FNTB: variants seen among roughly 807,000 people sequenced by gnomAD.
FNTB encodes protein farnesyltransferase subunit beta.
In FNTB, 27 loss-of-function variants were observed where a neutral mutation model predicts 59.4. That is an observed-to-expected ratio of 0.45 (90% CI 0.34 to 0.63). The LOEUF is 0.63. Ranked by LOEUF, FNTB falls within the 20% of genes least tolerant of loss-of-function variation. The pLI, the probability that FNTB is intolerant of heterozygous loss-of-function variation, is 0.02. For synonymous variants in FNTB, 230 were observed against 220.7 expected (o/e 1.04, Z -0.37); for missense variants, 449 against 559.6 (o/e 0.80, Z 1.99).
intron 11 of FNTB, among the ~76,000 whole-genome samples, chr14:65,056,523 A>G (rs75491549): frequency 0.049 from 7,435 of 152,206 alleles, 604 homozygotes; most frequent in African/African-American, 0.17. Context: ...CTTTTTGCCA[A>G]TTTGATGGGT....
intron 7 of FNTB, among the ~76,000 whole-genome samples, chr14:65,037,405 T>C (rs1354074604): frequency 0.015 from 161 of 10,660 alleles, 58 homozygotes; most frequent in Admixed American, 0.053. Flanking sequence ...GCCGGGCCCT[T>C]TTTTTTTTTT....
intron 9 of FNTB, among the ~76,000 whole-genome samples, chr14:65,052,376 CT>C (rs1185835167): frequency 1.3e-5 from 2 of 151,946 alleles, no homozygotes; most frequent in Non-Finnish European, 2.9e-5. Flanking sequence ...TGTTGGGCAT[CT>C]TTTTTTTAAA....
intron 7 of FNTB, among the ~76,000 whole-genome samples, chr14:65,034,715 A>T (rs997064717): frequency 6.6e-6 from 1 of 151,792 alleles, no homozygotes; most frequent in Admixed American, 6.6e-5. Flanking sequence ...ATTTTTCTTC[A>T]TTTTGCTGTG....
chr14:65,037,933 C>T (rs948891639), intron 7 of FNTB, among the ~76,000 whole-genome samples: 17 of 151,628 alleles, frequency 1.1e-4, no homozygotes, highest in African/African-American at 3.9e-4. Context: ...GCGTGCGCCA[C>T]GACACCCAGC....
intron 4 of FNTB, among the ~76,000 whole-genome samples, chr14:65,017,750 G>GT (rs2061805818): frequency 6.6e-6 from 1 of 152,084 alleles, no homozygotes; most frequent in Non-Finnish European, 1.5e-5. Context: ...GAGGTCAGGA[G>GT]TTTGAGACCA....
At chr14:65,041,215 C>T (rs2062344954) in intron 8 of FNTB, among the ~76,000 whole-genome samples, 1 of 152,152 alleles carries the variant, frequency 6.6e-6, no homozygotes, top group Non-Finnish European at 1.5e-5. Context: ...TAGAGGTTAT[C>T]GTGTGTTATA....
At chr14:65,037,402 C>CTTTTTTTTTTTTTTT (rs765037575) in intron 7 of FNTB, among the ~76,000 whole-genome samples, 15 of 14,530 alleles carry the variant, frequency 1.0e-3, no homozygotes, top group Non-Finnish European at 1.5e-3. Flanking sequence ...CACGCCGGGC[C>CTTTTTTTTTTTTTTT]CTTTTTTTTT....
At chr14:65,049,553 G>C (rs1395599316) in intron 9 of FNTB, among the ~76,000 whole-genome samples, 1 of 152,188 alleles carries the variant, frequency 6.6e-6, no homozygotes, top group Non-Finnish European at 1.5e-5. Flanking sequence ...GAAGCTCCTT[G>C]TAGAGCTTTT....
rs993117736 is a variant in FNTB at position 65,031,551 on chromosome 14, C to T, written c.606-1059C>T. Among the ~76,000 whole-genome samples the T allele has an allele frequency of 4.0e-5, 6 of 150,764 alleles. No individual in the cohort carries two copies. Among genetic ancestry groups the T allele is most frequent in the Non-Finnish European group, 5.9e-5 (4 of 67,510 alleles). ...CAGGTTGGTCTTGAACTCCTGGCCT[C>T]GTGATCCACCTGCCTCAGCCTCCCA... On this transcript the variant is annotated intron_variant, in intron 6 of 11. Transcript: ENST00000246166. The surrounding 1 kb of genome is among the most constrained non-coding windows in gnomAD (Gnocchi z 4.6).
chr14:65,014,645 C>G lies in FNTB; in HGVS notation c.283-980C>G, dbSNP rs1290656919. On this transcript the variant is annotated intron_variant, in intron 3 of 11. Coordinates refer to ENST00000246166, the MANE Select transcript of FNTB (RefSeq NM_002028.4). This position sits in a 1 kb window ranked among gnomAD's most constrained non-coding sequence, Gnocchi z 5.1. ...CCTGGGCAACATAGTGGGATGCTGT[C>G]TCTATAAAAACTTAAAAAATTAGCC... is the stretch of plus-strand genomic sequence containing the variant. Among the ~76,000 whole-genome samples the G allele has an allele frequency of 6.6e-6, 1 of 152,102 alleles. No individual in the cohort carries two copies. Among genetic ancestry groups the G allele is most frequent in the Non-Finnish European group, 1.5e-5 (1 of 68,032 alleles).
In FNTB at chr14:64,997,458, T is replaced by A. The variant is rs74646014; in HGVS notation, c.145-6791T>A. ...ACTATCCTTGAAAAACCTCCAAACCTTTGGGAAAATTGATTTGAGTAATAA... is the reference window on the plus strand; with the variant it reads ...ACTATCCTTGAAAAACCTCCAAACCATTGGGAAAATTGATTTGAGTAATAA... On this transcript the variant is annotated intron_variant, in intron 1 of 11. Coordinates refer to ENST00000246166, the MANE Select transcript of FNTB (RefSeq NM_002028.4). The surrounding 1 kb of genome is among the most constrained non-coding windows in gnomAD (Gnocchi z 4.5). Among the ~76,000 whole-genome samples the A allele has an allele frequency of 0.039, 5,887 of 152,226 alleles. 121 individuals carry two copies. The highest frequency in any genetic ancestry group is 0.078 in the Middle Eastern group (23 of 294).
intron 2 of FNTB, among the ~76,000 whole-genome samples, chr14:65,008,822 C>A (rs4466998): frequency 0.55 from 84,042 of 152,046 alleles, 23,736 homozygotes; most frequent in African/African-American, 0.66. Flanking sequence ...ATAAGAAATT[C>A]TATTTAAATC....
At chr14:65,050,104 G>A (rs1187479398) in intron 9 of FNTB, among the ~76,000 whole-genome samples, 1 of 152,136 alleles carries the variant, frequency 6.6e-6, no homozygotes, top group African/African-American at 2.4e-5. Flanking sequence ...GCAAGTATAA[G>A]AAAAAGCTAG....
At chr14:65,055,389 C>T (rs1035421138) in intron 11 of FNTB, among the ~76,000 whole-genome samples, 1 of 152,186 alleles carries the variant, frequency 6.6e-6, no homozygotes, top group African/African-American at 2.4e-5. Flanking sequence ...GTGCAGTTCC[C>T]TACTCTTACT....
At chr14:65,037,750 T>C (rs1372064717) in intron 7 of FNTB, among the ~76,000 whole-genome samples, 1 of 52,340 alleles carries the variant, frequency 1.9e-5, no homozygotes, top group African/African-American at 1.1e-4. Flanking sequence ...TATTATTTAT[T>C]TATTTATTTA....
Position 65,011,207 on chromosome 14 carries a change from T to C in FNTB, c.210-1110T>C, listed in dbSNP as rs1174820785. Among the ~76,000 whole-genome samples, 2 of 152,182 alleles carry C rather than the reference T, an allele frequency of 1.3e-5. No homozygotes were observed. Among genetic ancestry groups the C allele is most frequent in the Admixed American group, 6.5e-5 (1 of 15,276 alleles). On this transcript the variant is annotated intron_variant, in intron 2 of 11. Coordinates refer to ENST00000246166, the MANE Select transcript of FNTB (RefSeq NM_002028.4). This position sits in a 1 kb window ranked among gnomAD's most constrained non-coding sequence, Gnocchi z 4.0. ...ATTTTGGGAGGCCAAGGCAGGGGAT[T>C]ACCTGAGGTCAGGAGTTCAAGACCA...
Position 65,044,442 on chromosome 14 carries a change from A to C in FNTB, c.954A>C (p.Gln318His). 3 of 1,606,410 alleles carry C rather than the reference A, an allele frequency of 1.9e-6. No individual in the cohort carries two copies. The highest frequency in any genetic ancestry group is 2.5e-6 in the Non-Finnish European group (3 of 1,177,238). Reference protein sequence around the residue: ...LPLLHRALHAQGDPALSMSHW... With the variant: ...LPLLHRALHAHGDPALSMSHW... Reference sequence around the variant, plus strand: ...TGCTCCACCGCGCACTGCACGCCCAAGGTGAGCCTGGGGAGCTGTTCACTT... The same window carrying C: ...TGCTCCACCGCGCACTGCACGCCCACGGTGAGCCTGGGGAGCTGTTCACTT... The change falls in exon 9 of 12, where the codon CAA becomes CAC. Residue 318 changes from glutamine (Q) to histidine (H), a missense_variant and splice_region_variant. By Grantham distance (24) the Gln-to-His change is conservative. Around this residue, in one of 2 missense-constraint regions of FNTB, gnomAD observed 337 missense variants for 479.1 expected, o/e 0.70. Transcript: ENST00000246166. This position sits in a 1 kb window ranked among gnomAD's most constrained non-coding sequence, Gnocchi z 5.5.
At chr14:65,022,559 G>T (rs925208657) in intron 4 of FNTB, among the ~76,000 whole-genome samples, 9 of 151,840 alleles carry the variant, frequency 5.9e-5, no homozygotes, top group Non-Finnish European at 1.0e-4. Flanking sequence ...TAGAGATAAG[G>T]TCTCGCTGTA....
intron 1 of FNTB, among the ~76,000 whole-genome samples, chr14:64,989,677 G>C (rs2140032893): frequency 6.6e-6 from 1 of 152,306 alleles, no homozygotes; most frequent in East Asian, 1.9e-4. Context: ...TGAGTCGTCT[G>C]TTCCATTCGT....
Sources: allele counts gnomAD v4.1 joint callset (sites outside exome capture counted in the v4.1 genomes callset), GRCh38; gene constraint gnomAD v4.1.1; regional missense constraint gnomAD v4.1.1; non-coding constraint Gnocchi (gnomAD v3.1); transcripts MANE v1.5; gene names NCBI Gene and HGNC (gene_info 2026-07-23, HGNC 2026-07-21).